ACOX1: variants seen among roughly 807,000 people sequenced by gnomAD.
ACOX1 encodes the protein acyl-CoA oxidase 1.
A neutral mutation model predicts 75.5 loss-of-function variants in ACOX1; 41 were observed. The ratio of observed to expected loss-of-function variants is 0.54; its 90% CI spans 0.42 to 0.70. The LOEUF (loss-of-function observed/expected upper bound fraction) is 0.70. Among genes scored for constraint, ACOX1 ranks in the 30% least tolerant of loss-of-function variants. The pLI is 0.00. For missense variants in ACOX1, 630 were observed against 837.5 expected (o/e 0.75, Z 3.06); for synonymous variants, 303 against 298.8 (o/e 1.01, Z -0.15).
chr17:75,960,206 A>G lies in ACOX1; in HGVS notation c.430+9T>C, dbSNP rs2065874693. 6.2e-7 allele frequency: 1 copy of G among 1,613,778 alleles called. No individual in the cohort carries two copies. Among genetic ancestry groups the G allele is most frequent in the Non-Finnish European group, 8.5e-7 (1 of 1,179,918 alleles). On this transcript the variant is annotated intron_variant, in intron 3 of 13. Transcript: ENST00000293217. The surrounding 1 kb of genome is among the most constrained non-coding windows in gnomAD (Gnocchi z 4.4). Reference sequence around the variant, plus strand: ...GCCCAACCCAGAAGGTAGACTGAATACTCCATACCATGACCCATCTCTGTC... The same window carrying G: ...GCCCAACCCAGAAGGTAGACTGAATGCTCCATACCATGACCCATCTCTGTC...
chr17:75,971,291 CAAAA>C (rs376674086), intron 2 of ACOX1, among the ~76,000 whole-genome samples: 1 of 92,392 alleles, frequency 1.1e-5, no homozygotes. Context: ...AACTCTGTCT[CAAAA>C]AAAAAAAAAA....
In ACOX1 at chr17:75,950,009, A is replaced by G. The variant is rs2065759917; in HGVS notation, c.1299-112T>C. ...GGATGGAGTGCAATGGCCAGATCTC[A>G]GCTCACTGCAACCTCCTCCTCTTGG... On this transcript the variant is annotated intron_variant, in intron 9 of 13. Coordinates refer to ENST00000293217, the MANE Select transcript of ACOX1 (RefSeq NM_004035.7). The surrounding 1 kb of genome is among the most constrained non-coding windows in gnomAD (Gnocchi z 4.3). 2.6e-6 allele frequency: 3 copies of G among 1,137,902 alleles called. No homozygotes were observed. The highest frequency in any genetic ancestry group is 3.8e-6 in the Non-Finnish European group (3 of 780,110). The allele number at this position is 1,137,902 out of a possible 1,614,324, so 70.5% of individuals were successfully genotyped here.
At position 75,950,864 on chromosome 17, in the gene ACOX1, T is replaced by C; in HGVS notation, c.1208A>G (p.His403Arg). Residue 403 changes from histidine to arginine, a missense_variant, in exon 9 of 14, where the codon CAT (histidine) becomes CGT (arginine). By Grantham distance (29) the His-to-Arg change is conservative. Transcript: ENST00000293217. The surrounding 1 kb of genome is among the most constrained non-coding windows in gnomAD (Gnocchi z 4.3). ...ATAAATATTTGGAAGACCACTGCAA[T>C]GAGAATAGCCATGCCCACCACAAGC... is the stretch of plus-strand genomic sequence containing the variant. ...RMACGGHGYSHCSGLPNIYVN... is the reference protein window; with the variant it reads ...RMACGGHGYSRCSGLPNIYVN... The C allele has an allele frequency of 1.9e-6, 3 of 1,614,064 alleles. No homozygotes were observed. Among genetic ancestry groups the C allele is most frequent in the African/African-American group, 1.3e-5 (1 of 74,994 alleles).
chr17:75,961,223 G>A (rs1350866184), intron 2 of ACOX1, among the ~76,000 whole-genome samples: 1 of 150,640 alleles, frequency 6.6e-6, no homozygotes, highest in Non-Finnish European at 1.5e-5. Context: ...AACCCAGGAG[G>A]CAGAGGTTGC....
rs2066087571 is a variant in ACOX1 at position 75,978,933 on chromosome 17, G to A, written c.109+32C>T. ...CGAGGGAGTCTCCAGCTTTTCTCGG[G>A]AAAGGAGGGAGGTCTCGCCCGCCGC... On this transcript the variant is annotated intron_variant, in intron 1 of 13. Coordinates refer to ENST00000293217, the MANE Select transcript of ACOX1 (RefSeq NM_004035.7). This position sits in a 1 kb window ranked among gnomAD's most constrained non-coding sequence, Gnocchi z 4.2. The A allele has an allele frequency of 1.4e-5, 22 of 1,607,048 alleles. No individual in the cohort carries two copies. The highest frequency in any genetic ancestry group is 1.9e-5 in the Non-Finnish European group (22 of 1,179,698).
In ACOX1 at chr17:75,972,398, G is replaced by A. The variant is rs564142286; in HGVS notation, c.269+6136C>T. On this transcript the variant is annotated intron_variant, in intron 2 of 13. Transcript: ENST00000293217. ...CTCACGCCTGTAGCCTGTAATCCCAGCACTTTGGGAAGCCAAGGTGGACAG... is the reference window on the plus strand; with the variant it reads ...CTCACGCCTGTAGCCTGTAATCCCAACACTTTGGGAAGCCAAGGTGGACAG... Among the ~76,000 whole-genome samples the A allele has an allele frequency of 6.7e-5, 10 of 150,040 alleles. No homozygotes were observed. In the South Asian group the frequency reaches 2.1e-3, roughly 32 times the overall value.
Position 75,960,661 on chromosome 17 carries a change from A to G in ACOX1, c.270-286T>C, listed in dbSNP as rs1172915830. On this transcript the variant is annotated intron_variant, in intron 2 of 13. Transcript: ENST00000293217. The surrounding 1 kb of genome is among the most constrained non-coding windows in gnomAD (Gnocchi z 4.4). ...CGTGCAAGGCAGAGGATCCTCGCCC[A>G]GGAATTAAATCAAAGGAAATAAAGA... Among the ~76,000 whole-genome samples, 1 of 152,224 alleles carries G rather than the reference A, an allele frequency of 6.6e-6. No homozygotes were observed.
rs2066073642 is a variant in ACOX1, at chr17:75,978,140, G to C, written c.269+394C>G. On this transcript the variant is annotated intron_variant, in intron 2 of 13. Transcript: ENST00000293217. This position sits in a 1 kb window ranked among gnomAD's most constrained non-coding sequence, Gnocchi z 4.2. ...GATGGAGTCTCGCACTCTTGCCCAG[G>C]CTGGAGTGCAGTGGCGCGATCTCGG... Among the ~76,000 whole-genome samples the C allele has an allele frequency of 6.6e-6, 1 of 151,574 alleles. No individual in the cohort carries two copies. The highest frequency in any genetic ancestry group is 2.4e-5 in the African/African-American group (1 of 41,308).
In ACOX1 at chr17:75,949,810, G is replaced by A. The variant is rs1274124691; in HGVS notation, c.1386C>T (p.Arg462=). The A allele has an allele frequency of 1.9e-6, 3 of 1,614,086 alleles. No individual in the cohort carries two copies. The highest frequency in any genetic ancestry group is 2.7e-5 in the African/African-American group (2 of 74,924). Residue 462 remains arginine (R), a synonymous_variant, in exon 10 of 14, where the codon CGC becomes CGT. Coordinates refer to ENST00000293217, the MANE Select transcript of ACOX1 (RefSeq NM_004035.7). The part of the protein sequence containing the change: ...VSYLNDLPSQ[R]IQPQQVAVWP... ...AGACTGCTACCTGCTGTGGCTGGAT[G>A]CGCTGACTGGGCAGGTCGTTCAAAT...
Position 75,944,264 on chromosome 17 carries a change from T to G in ACOX1, c.*2484A>C, listed in dbSNP as rs1247729944. The G allele has an allele frequency of 6.6e-6, 1 of 152,150 alleles. No homozygotes were observed. The highest frequency in any genetic ancestry group is 1.5e-5 in the Non-Finnish European group (1 of 68,036). The allele number at this position is 152,150 out of a possible 1,614,324, so 9.4% of individuals were successfully genotyped here. A position where few individuals can be genotyped will look rare whatever the true frequency, so the allele number is the denominator to read the frequency against. On this transcript the variant is annotated 3_prime_UTR_variant, in exon 14 of 14. Coordinates refer to ENST00000293217, the MANE Select transcript of ACOX1 (RefSeq NM_004035.7). Reference sequence around the variant, plus strand: ...TAAAAATAAAATTCCTACTCAGTAATTTTGGAGAAGACAAGGTTAAAATGT... The same window carrying G: ...TAAAAATAAAATTCCTACTCAGTAAGTTTGGAGAAGACAAGGTTAAAATGT...
intron 4 of ACOX1, among the ~76,000 whole-genome samples, chr17:75,956,963 CTCTCTCTCTATATATATATATATATATA>C (rs1567877983): frequency 4.8e-3 from 92 of 19,106 alleles, no homozygotes; most frequent in East Asian, 9.4e-3. Context: ...CTCTCTCTCT[CTCTCTCTCTATATATATATATATATATA>C]TATATATATA....
At chr17:75,963,789 C>T (rs186381664) in intron 2 of ACOX1, among the ~76,000 whole-genome samples, 183 of 152,004 alleles carry the variant, frequency 1.2e-3, no homozygotes, top group Admixed American at 2.3e-3. Flanking sequence ...AATGGAAATC[C>T]CACAAGGTGT....
intron 2 of ACOX1, among the ~76,000 whole-genome samples, chr17:75,977,698 C>CT (rs1326097542): frequency 6.6e-6 from 1 of 152,224 alleles, no homozygotes; most frequent in Non-Finnish European, 1.5e-5. Flanking sequence ...CATTCAAGCA[C>CT]TGTCATGGAT....
At chr17:75,962,660 T>C (rs1337007937) in intron 2 of ACOX1, among the ~76,000 whole-genome samples, 1 of 152,190 alleles carries the variant, frequency 6.6e-6, no homozygotes, top group Non-Finnish European at 1.5e-5. Context: ...AATCACACTT[T>C]AGAAAAAGAA....
chr17:75,955,066 C>T (rs1158790599), intron 6 of ACOX1, among the ~76,000 whole-genome samples: 1 of 151,990 alleles, frequency 6.6e-6, no homozygotes, highest in Non-Finnish European at 1.5e-5. Context: ...GATGGGGTTT[C>T]ACCATGTTGG....
chr17:75,946,818 A>T (rs1176471978), intron 13 of ACOX1, 23 bp from the exon 14 acceptor site: 5 of 1,609,732 alleles, frequency 3.1e-6, no homozygotes, highest in Non-Finnish European at 2.6e-6. Context: ...GAGAGAGAAG[A>T]ACTACTAATA....
intron 2 of ACOX1, among the ~76,000 whole-genome samples, chr17:75,977,232 G>C (rs2066059858): frequency 6.6e-6 from 1 of 151,708 alleles, no homozygotes; most frequent in Admixed American, 6.6e-5. Flanking sequence ...CTGGCCTCAA[G>C]TGATCCACCT....
chr17:75,946,853 T>C, intron 13 of ACOX1, 58 bp from the exon 14 acceptor site: 2 of 1,531,156 alleles, frequency 1.3e-6, no homozygotes, highest in Non-Finnish European at 1.8e-6. Context: ...TTAAATAGTA[T>C]ACTGTTTTTT....
chr17:75,976,638 T>C (rs944855699), intron 2 of ACOX1, among the ~76,000 whole-genome samples: 2 of 152,168 alleles, frequency 1.3e-5, no homozygotes, highest in Non-Finnish European at 2.9e-5. Context: ...AACAAAATTT[T>C]TTCGTTTAAA....
Sources: allele counts gnomAD v4.1 joint callset (sites outside exome capture counted in the v4.1 genomes callset), GRCh38; gene constraint gnomAD v4.1.1; non-coding constraint Gnocchi (gnomAD v3.1); transcripts MANE v1.5; gene names NCBI Gene and HGNC (gene_info 2026-07-23, HGNC 2026-07-21).